DLGAP2: variants seen among roughly 807,000 people sequenced by gnomAD.
DLGAP2 encodes disks large-associated protein 2.
Under a neutral mutation model 100.3 loss-of-function variants are expected in DLGAP2, and 26 were observed. The ratio of observed to expected loss-of-function variants is 0.26; its 90% CI spans 0.19 to 0.36. The LOEUF is 0.36. Among genes scored for constraint, DLGAP2 ranks in the 10% least tolerant of loss-of-function variants. The pLI, the probability that DLGAP2 is intolerant of heterozygous loss-of-function variation, is 1.00. For missense variants in DLGAP2, 1,858 were observed against 1,453.2 expected (o/e 1.28, Z -4.53); for synonymous variants, 886 against 630.1 (o/e 1.41, Z -6.08).
At chr8:1,280,503 G>C (rs1003058501) in intron 3 of DLGAP2, among the ~76,000 whole-genome samples, 1 of 152,220 alleles carries the variant, frequency 6.6e-6, no homozygotes, top group Non-Finnish European at 1.5e-5. Context: ...TTAGGAAAAG[G>C]TAATAGTTTG....
intron 4 of DLGAP2, among the ~76,000 whole-genome samples, chr8:1,537,728 T>TGGAAGGAAGAAA: frequency 7.3e-6 from 1 of 136,664 alleles, no homozygotes; most frequent in African/African-American, 2.8e-5. Flanking sequence ...GATGAAAGGA[T>TGGAAGGAAGAAA]GGAAGGAAGG....
At chr8:1,441,891 C>G (rs1159866878) in intron 3 of DLGAP2, among the ~76,000 whole-genome samples, 1 of 151,656 alleles carries the variant, frequency 6.6e-6, no homozygotes, top group Non-Finnish European at 1.5e-5. Flanking sequence ...CTGCACCTAT[C>G]AATGTGGTCC....
chr8:1,193,528 G>A (rs1008903870), intron 2 of DLGAP2, among the ~76,000 whole-genome samples: 12 of 152,130 alleles, frequency 7.9e-5, no homozygotes, highest in African/African-American at 2.7e-4. Flanking sequence ...GCTCATTCAC[G>A]CTGAAATCCA....
chr8:1,622,858 A>C lies in DLGAP2; in HGVS notation c.1443-3882A>C, dbSNP rs112381608. ...TCAACTTCAAAATGCCCCGGGATGT[A>C]GGAGGGGGATTTTCAGGGGGAAGAG... On this transcript the variant is annotated intron_variant, in intron 6 of 14. Coordinates refer to ENST00000637795, the MANE Select transcript of DLGAP2 (RefSeq NM_001346810.2). 1.2e-3 allele frequency among the ~76,000 whole-genome samples: 181 copies of C among 152,250 alleles called. 2 individuals carry two copies. The highest frequency in any genetic ancestry group is 4.0e-3 in the African/African-American group (167 of 41,554).
chr8:1,121,591 C>G (rs1259882268), intron 2 of DLGAP2, among the ~76,000 whole-genome samples: 2 of 152,096 alleles, frequency 1.3e-5, no homozygotes, highest in African/African-American at 2.4e-5. Context: ...ACCTCCCATC[C>G]TCTTTCCTTC....
At position 815,836 on chromosome 8, in the gene DLGAP2, C is replaced by A. The variant is rs74830499; in HGVS notation, c.18+78011C>A. Among the ~76,000 whole-genome samples the A allele has an allele frequency of 5.6e-3, 854 of 152,294 alleles. 7 individuals carry two copies. Among genetic ancestry groups the A allele is most frequent in the African/African-American group, 0.02 (815 of 41,546 alleles). ...CTTTGGAGCATGTGTTCTCATTCAT[C>A]TCATTTTATCTCATTTCTTAGATGT... On this transcript the variant is annotated intron_variant, in intron 1 of 14. Coordinates refer to ENST00000637795, the MANE Select transcript of DLGAP2 (RefSeq NM_001346810.2).
At chr8:1,196,722 A>G (rs1019457863) in intron 2 of DLGAP2, among the ~76,000 whole-genome samples, 1 of 152,142 alleles carries the variant, frequency 6.6e-6, no homozygotes, top group Admixed American at 6.5e-5. Context: ...GCACGTTGTC[A>G]GTGGGGCTCC....
intron 2 of DLGAP2, among the ~76,000 whole-genome samples, chr8:1,196,273 A>G (rs1405244901): frequency 1.3e-5 from 2 of 152,214 alleles, no homozygotes; most frequent in Admixed American, 6.5e-5. Context: ...ATCTGCATAG[A>G]GTAAAGCATT....
At chr8:1,656,552 A>G (rs1462271163) in intron 8 of DLGAP2, among the ~76,000 whole-genome samples, 1 of 152,144 alleles carries the variant, frequency 6.6e-6, no homozygotes, top group Admixed American at 6.5e-5. Flanking sequence ...CAATTTTTTC[A>G]GAAGGGGTTT....
intron 2 of DLGAP2, among the ~76,000 whole-genome samples, chr8:1,166,857 A>G (rs1202995290): frequency 6.6e-6 from 1 of 152,230 alleles, no homozygotes; most frequent in East Asian, 1.9e-4. Context: ...ATAATACTAT[A>G]TTTAAGTAGC....
chr8:1,483,560 C>T (rs537024618), intron 3 of DLGAP2, among the ~76,000 whole-genome samples: 11 of 145,166 alleles, frequency 7.6e-5, no homozygotes, highest in East Asian at 3.9e-4. Context: ...GACCTGAGGG[C>T]GTCTACACAG....
intron 2 of DLGAP2, among the ~76,000 whole-genome samples, chr8:923,987 T>C (rs1456757973): frequency 6.6e-6 from 1 of 152,226 alleles, no homozygotes; most frequent in Non-Finnish European, 1.5e-5. Flanking sequence ...GTTAAATCAA[T>C]GATGCTGTTA....
At chr8:1,678,160 G>A in intron 11 of DLGAP2, 54 bp from the exon 12 acceptor site, 8 of 1,548,086 alleles carry the variant, frequency 5.2e-6, no homozygotes, top group Non-Finnish European at 5.2e-6. Context: ...GGACTTTGTT[G>A]CATGAAGTCC....
intron 3 of DLGAP2, among the ~76,000 whole-genome samples, chr8:1,312,294 A>G (rs1800631219): frequency 6.6e-6 from 1 of 152,246 alleles, no homozygotes; most frequent in Non-Finnish European, 1.5e-5. Context: ...GAGTTTTTAG[A>G]GACCGCACCG....
At chr8:1,326,377 A>G (rs1335108106) in intron 3 of DLGAP2, among the ~76,000 whole-genome samples, 2 of 152,240 alleles carry the variant, frequency 1.3e-5, no homozygotes, top group Admixed American at 6.5e-5. Flanking sequence ...AGTGTACCAC[A>G]TTCTAACAAA....
intron 4 of DLGAP2, among the ~76,000 whole-genome samples, chr8:1,513,502 G>A (rs984229456): frequency 5.3e-5 from 8 of 152,204 alleles, no homozygotes; most frequent in Admixed American, 3.3e-4. Flanking sequence ...CAGAGGGGCC[G>A]TCACCCCCAT....
At chr8:1,214,331 T>C (rs1798168214) in intron 2 of DLGAP2, among the ~76,000 whole-genome samples, 1 of 152,218 alleles carries the variant, frequency 6.6e-6, no homozygotes, top group Non-Finnish European at 1.5e-5. Context: ...ACTCAGGTGA[T>C]CGTTTTTCCG....
At chr8:885,210 T>G (rs1354708110) in intron 1 of DLGAP2, among the ~76,000 whole-genome samples, 2 of 152,214 alleles carry the variant, frequency 1.3e-5, no homozygotes, top group African/African-American at 4.8e-5. Context: ...ATCCATAAAT[T>G]GCTGGCAGTA....
intron 5 of DLGAP2, among the ~76,000 whole-genome samples, chr8:1,563,331 G>A (rs368357708): frequency 1.4e-4 from 6 of 44,032 alleles, no homozygotes; most frequent in Admixed American, 6.1e-4. Flanking sequence ...TTACTGGGGG[G>A]CTGTGTGGTT....
Sources: gnomAD v4.1 joint callset for allele counts (sites outside exome capture counted in the v4.1 genomes callset) on GRCh38, gnomAD v4.1.1 for gene constraint, MANE v1.5 for transcripts, NCBI Gene and HGNC (gene_info 2026-07-23, HGNC 2026-07-21) for gene names.